Variants in ADAMTS6 observed in about 807,000 individuals in gnomAD.
ADAMTS6 encodes the protein ADAM metallopeptidase with thrombospondin type 1 motif 6, also known as A disintegrin and metalloproteinase with thrombospondin motifs 6.
In ADAMTS6, 23 loss-of-function variants were observed where a neutral mutation model predicts 144.3. The observed-to-expected ratio is 0.16, with a 90% confidence interval of 0.11 to 0.23. The LOEUF is 0.23. Among genes scored for constraint, ADAMTS6 ranks in the 10% least tolerant of loss-of-function variants. The probability of loss-of-function intolerance (pLI) is 1.00; values close to 1 mark genes in which losing one functional copy is unlikely to be tolerated. For missense variants in ADAMTS6, 999 were observed against 1,379.6 expected (o/e 0.72, Z 4.37); for synonymous variants, 444 against 457.5 (o/e 0.97, Z 0.38).
At chr5:65,216,867 C>T (rs1189846482) in intron 18 of ADAMTS6, among the ~76,000 whole-genome samples, 2 of 151,580 alleles carry the variant, frequency 1.3e-5, no homozygotes, top group African/African-American at 4.9e-5. Context: ...ACAAAAACTC[C>T]TATAAACAAA....
At chr5:65,389,318 C>A (rs1201959526) in intron 7 of ADAMTS6, among the ~76,000 whole-genome samples, 1 of 152,032 alleles carries the variant, frequency 6.6e-6, no homozygotes, top group Non-Finnish European at 1.5e-5. Flanking sequence ...TCAGAGAAAC[C>A]TGTGTCATAC....
intron 3 of ADAMTS6, among the ~76,000 whole-genome samples, chr5:65,468,461 A>G (rs2150279637): frequency 6.6e-6 from 1 of 151,408 alleles, no homozygotes; most frequent in South Asian, 2.1e-4. Flanking sequence ...AAAAAGTAAC[A>G]TACAAAATAA....
At chr5:65,377,653 T>G (rs1226457302) in intron 7 of ADAMTS6, among the ~76,000 whole-genome samples, 1 of 152,220 alleles carries the variant, frequency 6.6e-6, no homozygotes, top group African/African-American at 2.4e-5. Context: ...TTTGCTTTAT[T>G]TTGTGTTGAT....
chr5:65,339,408 C>A (rs2150072605), intron 7 of ADAMTS6, among the ~76,000 whole-genome samples: 1 of 150,692 alleles, frequency 6.6e-6, no homozygotes, highest in East Asian at 1.9e-4. Context: ...AGCTTTTCTA[C>A]CAGTTGCACA....
At chr5:65,385,651 T>C (rs1409294040) in intron 7 of ADAMTS6, among the ~76,000 whole-genome samples, 2 of 152,186 alleles carry the variant, frequency 1.3e-5, no homozygotes, top group Non-Finnish European at 2.9e-5. Context: ...TATATGAAGA[T>C]CAATTAATTC....
intron 7 of ADAMTS6, among the ~76,000 whole-genome samples, chr5:65,398,623 G>C (rs1348542357): frequency 2.0e-5 from 3 of 152,020 alleles, no homozygotes; most frequent in Non-Finnish European, 4.4e-5. Context: ...CTACTCAGGA[G>C]GCTGAGGCAG....
rs115989954 is a variant in ADAMTS6, at chr5:65,263,621, C to T, written c.1621-659G>A. On this transcript the variant is annotated intron_variant, in intron 12 of 24. Transcript: ENST00000381055. ...TGGAATTCTGCTCAGCTCTACTCTC[C>T]GTAATAAACCACACATACTGCACCT... Among the ~76,000 whole-genome samples, 1,342 of 152,234 alleles carry T rather than the reference C, an allele frequency of 8.8e-3. 21 individuals are homozygous for T. Among genetic ancestry groups the T allele is most frequent in the African/African-American group, 0.03 (1,250 of 41,548 alleles).
intron 7 of ADAMTS6, among the ~76,000 whole-genome samples, chr5:65,388,049 C>T (rs544452969): frequency 2.6e-5 from 4 of 151,914 alleles, no homozygotes; most frequent in African/African-American, 9.7e-5. Flanking sequence ...GTCTCTACCA[C>T]AAATACAAAA....
intron 7 of ADAMTS6, among the ~76,000 whole-genome samples, chr5:65,377,270 A>T (rs1223468948): frequency 6.6e-6 from 1 of 152,172 alleles, no homozygotes; most frequent in Non-Finnish European, 1.5e-5. Context: ...GCCTTTGCCC[A>T]TGTGCTCTAT....
chr5:65,309,829 G>A (rs962249619), intron 9 of ADAMTS6, among the ~76,000 whole-genome samples: 5 of 151,982 alleles, frequency 3.3e-5, no homozygotes, highest in African/African-American at 1.2e-4. Context: ...TGGTATAGCT[G>A]GGCACCGTGA....
chr5:65,451,301 A>T lies in ADAMTS6; in HGVS notation c.1073+174T>A, dbSNP rs937723867. The T allele has an allele frequency of 8.5e-6, 5 of 591,242 alleles. No individual in the cohort carries two copies. The African/African-American group carries it at 9.9e-5, about 12-fold the overall frequency. The allele number at this position is 591,242 out of a possible 1,614,324, so 36.6% of individuals were successfully genotyped here. Reference sequence around the variant, plus strand: ...TATTTTCTTTTTTCTTATTTGGTTCATTTGATGCAAACACAATAATAGTGT... The same window carrying T: ...TATTTTCTTTTTTCTTATTTGGTTCTTTTGATGCAAACACAATAATAGTGT... On this transcript the variant is annotated intron_variant, in intron 7 of 24. Coordinates refer to ENST00000381055, the MANE Select transcript of ADAMTS6 (RefSeq NM_197941.4).
chr5:65,334,729 A>G (rs1580425470), intron 7 of ADAMTS6, among the ~76,000 whole-genome samples: 1 of 152,336 alleles, frequency 6.6e-6, no homozygotes, highest in East Asian at 1.9e-4. Context: ...GATCAGATTT[A>G]TTCTATACCA....
At position 65,151,630 on chromosome 5, in the gene ADAMTS6, C is replaced by G. The variant is rs371242243; in HGVS notation, c.*206G>C. ...CCAATCTGGCATTCCCTCCTAATAC[C>G]GTGTCCAGCACTTTGGATCAATAAA... On this transcript the variant is annotated 3_prime_UTR_variant, in exon 25 of 25. Transcript: ENST00000381055. 2.0e-6 allele frequency: 1 copy of G among 507,786 alleles called. No homozygotes were observed. The highest frequency in any genetic ancestry group is 3.5e-6 in the Non-Finnish European group (1 of 282,340). 31.5% of individuals were successfully genotyped at this position (507,786 alleles called of 1,614,324 possible). A position where few individuals can be genotyped will look rare whatever the true frequency, so the allele number is the denominator to read the frequency against.
At chr5:65,379,713 T>C (rs779710008) in intron 7 of ADAMTS6, among the ~76,000 whole-genome samples, 2 of 152,018 alleles carry the variant, frequency 1.3e-5, no homozygotes, top group Non-Finnish European at 2.9e-5. Flanking sequence ...ATAACTTTCA[T>C]GTCCTCGATA....
intron 10 of ADAMTS6, among the ~76,000 whole-genome samples, chr5:65,296,549 T>G (rs1407789346): frequency 6.6e-5 from 10 of 152,188 alleles, no homozygotes; most frequent in Non-Finnish European, 1.3e-4. Flanking sequence ...AGCTCTTAGA[T>G]TCTACATTTT....
chr5:65,389,531 ATAATT>A (rs1752741755), intron 7 of ADAMTS6, among the ~76,000 whole-genome samples: 2 of 152,096 alleles, frequency 1.3e-5, no homozygotes, highest in South Asian at 4.1e-4. Context: ...CAAAGCAAAA[ATAATT>A]TAATATTGGA....
intron 7 of ADAMTS6, among the ~76,000 whole-genome samples, chr5:65,371,770 A>G (rs1310666427): frequency 6.6e-6 from 1 of 152,096 alleles, no homozygotes; most frequent in African/African-American, 2.4e-5. Context: ...AATACAGAAA[A>G]TGCCACAAAG....
chr5:65,336,756 G>A (rs1747345333), intron 7 of ADAMTS6, among the ~76,000 whole-genome samples: 1 of 151,962 alleles, frequency 6.6e-6, no homozygotes, highest in Non-Finnish European at 1.5e-5. Flanking sequence ...AATGGAATTT[G>A]ATCTAAAACT....
chr5:65,384,058 A>C (rs1483983558), intron 7 of ADAMTS6, among the ~76,000 whole-genome samples: 1 of 152,128 alleles, frequency 6.6e-6, no homozygotes, highest in East Asian at 1.9e-4. Flanking sequence ...TGGCGTTCTG[A>C]CCCTGTGATG....
Sources: gnomAD v4.1 joint callset for allele counts (sites outside exome capture counted in the v4.1 genomes callset) on GRCh38, gnomAD v4.1.1 for gene constraint, MANE v1.5 for transcripts, NCBI Gene and HGNC (gene_info 2026-07-23, HGNC 2026-07-21) for gene names.